Variants in RNASEH2B observed in about 807,000 individuals in gnomAD.
RNASEH2B encodes the protein ribonuclease H2 subunit B.
A neutral mutation model predicts 45.0 loss-of-function variants in RNASEH2B; 36 were observed. The observed-to-expected ratio is 0.80, with a 90% CI of 0.61 to 1.06. The LOEUF (loss-of-function observed/expected upper bound fraction) is 1.06, where lower values mean the gene tolerates loss of function less well. Ranked by LOEUF, RNASEH2B falls within the 50% of genes least tolerant of loss-of-function variation. The pLI, the probability that RNASEH2B is intolerant of heterozygous loss-of-function variation, is 0.00. For synonymous variants in RNASEH2B, 119 were observed against 125.7 expected (o/e 0.95, Z 0.35); for missense variants, 361 against 360.3 (o/e 1.00, Z -0.02).
intron 9 of RNASEH2B, among the ~76,000 whole-genome samples, chr13:50,968,435 A>G (rs1484292074): frequency 3.9e-5 from 6 of 152,134 alleles, no homozygotes; most frequent in African/African-American, 1.4e-4. Context: ...AATCTTTACA[A>G]CAACCCTCCA....
chr13:50,914,235 C>A (rs186914460), intron 1 of RNASEH2B, among the ~76,000 whole-genome samples: 28 of 152,266 alleles, frequency 1.8e-4, no homozygotes, highest in Non-Finnish European at 3.5e-4. Context: ...TACCTAATGG[C>A]TCATGGTTAA....
intron 1 of RNASEH2B, chr13:50,911,986 C>T (rs1879430574): frequency 6.6e-6 from 1 of 152,106 alleles, no homozygotes; most frequent in Non-Finnish European, 1.5e-5. Context: ...GATTGTATCC[C>T]TGAAAATTGT....
chr13:50,945,632 C>T (rs557968735), intron 7 of RNASEH2B, 100 bp downstream of exon 7: 26 of 785,320 alleles, frequency 3.3e-5, no homozygotes, highest in Non-Finnish European at 5.6e-5. Context: ...TCACAGAAGC[C>T]TCATATTCCT....
intron 8 of RNASEH2B, 119 bp from the exon 9 acceptor site, chr13:50,949,344 T>C (rs1951946236): frequency 1.2e-6 from 1 of 812,688 alleles, no homozygotes. Context: ...CAGGAAGATA[T>C]ATGGAGGTAA....
intron 9 of RNASEH2B, chr13:50,951,400 G>A (rs528821085): frequency 1.3e-5 from 2 of 152,244 alleles, no homozygotes; most frequent in East Asian, 1.9e-4. Context: ...AATCGATAGC[G>A]TGGAGCCTGT....
Position 50,934,516 on chromosome 13 carries a change from T to C in RNASEH2B, c.322-369T>C, listed in dbSNP as rs973691192. On this transcript the variant is annotated intron_variant, in intron 4 of 10. Transcript: ENST00000336617. ...TGTTCCAATGTGACAGTCAGGACTCTTGCTCTGTGACCACAGCTGGTTCTT... is the reference window on the plus strand; with the variant it reads ...TGTTCCAATGTGACAGTCAGGACTCCTGCTCTGTGACCACAGCTGGTTCTT... 26 of 319,402 alleles carry C rather than the reference T, an allele frequency of 8.1e-5. No individual in the cohort carries two copies. The Admixed American group carries it at 1.1e-3, about 13-fold the overall frequency. 19.8% of individuals were successfully genotyped at this position (319,402 alleles called of 1,614,324 possible). A position where few individuals can be genotyped will look rare whatever the true frequency, so the allele number is the denominator to read the frequency against.
intron 8 of RNASEH2B, chr13:50,948,662 T>C (rs527375411): frequency 1.3e-5 from 2 of 152,340 alleles, no homozygotes; most frequent in African/African-American, 4.8e-5. Context: ...TTCTAGATTT[T>C]TGCAAAATCG....
intron 7 of RNASEH2B, among the ~76,000 whole-genome samples, 165 bp from the exon 8 acceptor site, chr13:50,947,822 A>G (rs1480570408): frequency 6.6e-6 from 1 of 152,030 alleles, no homozygotes; most frequent in African/African-American, 2.4e-5. Flanking sequence ...TGACCGATAG[A>G]TATTACTATC....
At chr13:50,962,501 C>G (rs1245738725) in intron 9 of RNASEH2B, among the ~76,000 whole-genome samples, 1 of 151,946 alleles carries the variant, frequency 6.6e-6, no homozygotes, top group African/African-American at 2.4e-5. Flanking sequence ...ATAAGTTGTT[C>G]ATCACATTTT....
intron 5 of RNASEH2B, 160 bp downstream of exon 5, chr13:50,935,159 G>A: frequency 1.6e-6 from 1 of 643,194 alleles, no homozygotes; most frequent in Non-Finnish European, 2.8e-6. Flanking sequence ...TTCCTCTATT[G>A]CTTTGGAGTG....
In RNASEH2B at chr13:50,909,872, G is replaced by A; in HGVS notation, c.-205G>A. The stretch of plus-strand genomic sequence containing the variant: ...GCCGGCATTCAGAGCCCCTCGCCTG[G>A]CGCTAAATTTAAAAACGTAACACGA... On this transcript the variant is annotated 5_prime_UTR_variant, in exon 1 of 11. Transcript: ENST00000336617. 4.5e-6 allele frequency: 2 copies of A among 441,502 alleles called. No individual in the cohort carries two copies. The highest frequency in any genetic ancestry group is 8.0e-6 in the Non-Finnish European group (2 of 250,138). The allele number at this position is 441,502 out of a possible 1,614,324, so 27.3% of individuals were successfully genotyped here. A position where few individuals can be genotyped will look rare whatever the true frequency, so the allele number is the denominator to read the frequency against.
intron 1 of RNASEH2B, among the ~76,000 whole-genome samples, chr13:50,926,460 A>G (rs1485855248): frequency 1.3e-5 from 2 of 152,186 alleles, no homozygotes; most frequent in Admixed American, 1.3e-4. Context: ...CACTCAAAAT[A>G]TATGAAGAGT....
intron 1 of RNASEH2B, among the ~76,000 whole-genome samples, chr13:50,919,104 A>T (rs1384550223): frequency 6.6e-6 from 1 of 152,214 alleles, no homozygotes; most frequent in African/African-American, 2.4e-5. Flanking sequence ...AGTCATAAGA[A>T]CAATTGGCAA....
At chr13:50,945,761 T>C (rs2137992056) in intron 7 of RNASEH2B, among the ~76,000 whole-genome samples, 1 of 152,338 alleles carries the variant, frequency 6.6e-6, no homozygotes, top group East Asian at 1.9e-4. Context: ...AGCAAATATT[T>C]CTTTTACATT....
At chr13:50,970,054 G>T in exon 10 of RNASEH2B, 1 of 1,293,928 alleles carries the variant, frequency 7.7e-7, no homozygotes, top group Non-Finnish European at 1.1e-6. Context: ...CACTTTTTTG[G>T]AAAATCGCCA....
chr13:50,918,770 C>G lies in RNASEH2B; in HGVS notation c.64+8630C>G, dbSNP rs1013200419. The stretch of plus-strand genomic sequence containing the variant: ...TGTTTCCAAGGAAGTATCTGGCAAA[C>G]AGGCAGGAGGGTGCCGGGGCAGTGG... On this transcript the variant is annotated intron_variant, in intron 1 of 10. Transcript: ENST00000336617. Among the ~76,000 whole-genome samples, 4 of 152,300 alleles carry G rather than the reference C, an allele frequency of 2.6e-5. 1 individual carries two copies. The highest frequency in any genetic ancestry group is 2.6e-4 in the Admixed American group (4 of 15,298).
downstream of RNASEH2B, among the ~76,000 whole-genome samples, chr13:50,959,016 C>A (rs1316392197): frequency 6.6e-6 from 1 of 152,264 alleles, no homozygotes; most frequent in East Asian, 1.9e-4. Flanking sequence ...ACCTTGTTAG[C>A]ATTGGTTGTT....
At chr13:50,937,385 C>T (rs1286569954) in intron 5 of RNASEH2B, 2 of 151,950 alleles carry the variant, frequency 1.3e-5, no homozygotes, top group Non-Finnish European at 2.9e-5. Context: ...CCACACCTGG[C>T]TAATTTTTTC....
chr13:50,935,999 C>T (rs1384330081), intron 5 of RNASEH2B: 1 of 152,044 alleles, frequency 6.6e-6, no homozygotes, highest in Admixed American at 6.6e-5. Context: ...CCAACTGCAT[C>T]TGGTTGTTGG....
Sources: gnomAD v4.1 joint callset for allele counts (sites outside exome capture counted in the v4.1 genomes callset) on GRCh38, gnomAD v4.1.1 for gene constraint, MANE v1.5 for transcripts, NCBI Gene and HGNC (gene_info 2026-07-23, HGNC 2026-07-21) for gene names.